The following NRXN1 variants were observed in gnomAD, a reference collection of about 807,000 sequenced individuals.
NRXN1 encodes neurexin-1.
A neutral mutation model predicts 150.9 loss-of-function variants in NRXN1; 39 were observed. The ratio of observed to expected loss-of-function variants is 0.26; its 90% CI spans 0.20 to 0.34. NRXN1 has a LOEUF of 0.34. Among genes scored for constraint, NRXN1 ranks in the 10% least tolerant of loss-of-function variants. NRXN1 has a pLI of 1.00. For synonymous variants in NRXN1, 924 were observed against 757.0 expected, an observed-to-expected ratio of 1.22 and a Z score of -3.62; for missense variants, 1,815 against 1,949.9, an observed-to-expected ratio of 0.93 and a Z score of 1.30.
At chr2:50,467,961 T>A (rs1433813502) in intron 16 of NRXN1, among the ~76,000 whole-genome samples, 1 of 151,526 alleles carries the variant, frequency 6.6e-6, no homozygotes, top group African/African-American at 2.4e-5. Flanking sequence ...CTGATCCTTA[T>A]CCCATGGCAT....
chr2:51,008,377 C>T (rs556016279), intron 2 of NRXN1, among the ~76,000 whole-genome samples: 4 of 151,946 alleles, frequency 2.6e-5, no homozygotes, highest in South Asian at 2.1e-4. Flanking sequence ...GAAAGCATGA[C>T]GTGTAGAGAC....
chr2:50,236,039 A>C (rs983758774), intron 18 of NRXN1, among the ~76,000 whole-genome samples: 2 of 152,080 alleles, frequency 1.3e-5, no homozygotes, highest in African/African-American at 4.8e-5. Context: ...ACTCATTAAT[A>C]ATTTTTAAAA....
intron 2 of NRXN1, among the ~76,000 whole-genome samples, chr2:50,949,741 A>G (rs1690995245): frequency 6.6e-6 from 1 of 152,030 alleles, no homozygotes; most frequent in South Asian, 2.1e-4. Flanking sequence ...CAAAATAAAA[A>G]CTTTTCCCAG....
At chr2:50,664,669 T>A (rs1476043050) in intron 5 of NRXN1, among the ~76,000 whole-genome samples, 1 of 151,626 alleles carries the variant, frequency 6.6e-6, no homozygotes, top group Non-Finnish European at 1.5e-5. Context: ...GCTCATCTCA[T>A]CCAGAAACTC....
At chr2:50,849,342 G>C (rs1574697401) in intron 5 of NRXN1, among the ~76,000 whole-genome samples, 1 of 152,224 alleles carries the variant, frequency 6.6e-6, no homozygotes, top group East Asian at 1.9e-4. Flanking sequence ...TAAATCTTCT[G>C]CTAGACTCCT....
chr2:49,930,647 C>T (rs1213525669), intron 22 of NRXN1, among the ~76,000 whole-genome samples: 1 of 152,088 alleles, frequency 6.6e-6, no homozygotes, highest in East Asian at 1.9e-4. Context: ...ATAGTTTTGT[C>T]TTTTTTCAAC....
intron 5 of NRXN1, among the ~76,000 whole-genome samples, chr2:50,825,131 C>T (rs1015143483): frequency 6.6e-6 from 1 of 152,196 alleles, no homozygotes; most frequent in Non-Finnish European, 1.5e-5. Flanking sequence ...AGGGCACCCA[C>T]ATCCTTGGCA....
intron 5 of NRXN1, among the ~76,000 whole-genome samples, chr2:50,717,057 T>G (rs1695959735): frequency 6.6e-6 from 1 of 152,184 alleles, no homozygotes; most frequent in South Asian, 2.1e-4. Context: ...TACTCAATTC[T>G]GTGCACTGTG....
At chr2:50,164,420 A>G (rs1002506912) in intron 18 of NRXN1, among the ~76,000 whole-genome samples, 2 of 152,210 alleles carry the variant, frequency 1.3e-5, no homozygotes, top group African/African-American at 4.8e-5. Flanking sequence ...GACCATAAGA[A>G]ATATGGGAGG....
intron 8 of NRXN1, among the ~76,000 whole-genome samples, chr2:50,571,478 T>C (rs745774475): frequency 6.6e-6 from 1 of 152,156 alleles, no homozygotes; most frequent in Non-Finnish European, 1.5e-5. Context: ...TTTTGTCTAG[T>C]GTACTATCTC....
intron 5 of NRXN1, among the ~76,000 whole-genome samples, chr2:50,710,067 GA>G (rs1694962029): frequency 6.6e-6 from 1 of 152,116 alleles, no homozygotes; most frequent in African/African-American, 2.4e-5. Flanking sequence ...GAATAAACAA[GA>G]TTTTCCTATA....
chr2:51,031,966 A>G lies in NRXN1; in HGVS notation c.-922+15T>C, dbSNP rs1671648349. On this transcript the variant is annotated intron_variant, in intron 1 of 22. Transcript: ENST00000401669. ...GCCCCATCCCCTCCCCCCAACCCAA[A>G]TTGAGCTTCTTTACCTGCCCGGTTA... is the stretch of plus-strand genomic sequence containing the variant. 1 of 151,972 alleles carries G rather than the reference A, an allele frequency of 6.6e-6. No individual in the cohort carries two copies. The highest frequency in any genetic ancestry group is 2.1e-4 in the South Asian group (1 of 4,802). The allele number at this position is 151,972 out of a possible 1,614,324, so 9.4% of individuals were successfully genotyped here. A position where few individuals can be genotyped will look rare whatever the true frequency, so the allele number is the denominator to read the frequency against.
chr2:50,615,279 C>T (rs1190222934), intron 8 of NRXN1: 2 of 152,126 alleles, frequency 1.3e-5, no homozygotes, highest in African/African-American at 4.8e-5. Flanking sequence ...AGTTACCTCA[C>T]ACAGGCAGTG....
chr2:50,950,773 C>T (rs921557578), intron 2 of NRXN1, among the ~76,000 whole-genome samples: 6 of 152,242 alleles, frequency 3.9e-5, no homozygotes, highest in African/African-American at 1.4e-4. Flanking sequence ...GCGCTAGGGT[C>T]CATGCTAATA....
intron 5 of NRXN1, among the ~76,000 whole-genome samples, chr2:50,832,541 T>C (rs1671552811): frequency 6.6e-6 from 1 of 152,100 alleles, no homozygotes. Context: ...TAATCACAGC[T>C]ACTCCAGAGG....
chr2:50,213,516 T>C (rs1366119617), intron 18 of NRXN1, among the ~76,000 whole-genome samples: 1 of 151,860 alleles, frequency 6.6e-6, no homozygotes, highest in African/African-American at 2.4e-5. Flanking sequence ...GATAAGACTG[T>C]ATAATGGATC....
chr2:50,411,678 C>T (rs925473737), intron 17 of NRXN1, among the ~76,000 whole-genome samples: 5 of 138,900 alleles, frequency 3.6e-5, no homozygotes, highest in Admixed American at 2.9e-4. Context: ...GCCCGGCAGC[C>T]GCCCTGTCTG....
At chr2:50,379,691 C>T (rs536670216) in intron 17 of NRXN1, among the ~76,000 whole-genome samples, 15 of 152,070 alleles carry the variant, frequency 9.9e-5, no homozygotes, top group Non-Finnish European at 5.9e-5. Flanking sequence ...CTAATATTAA[C>T]GTGCAATTTA....
chr2:51,011,410 G>C (rs1399668087), intron 2 of NRXN1, among the ~76,000 whole-genome samples: 2 of 151,984 alleles, frequency 1.3e-5, no homozygotes, highest in African/African-American at 4.8e-5. Flanking sequence ...ATAATAAAAT[G>C]TGTTCAGCAT....
Sources: allele counts gnomAD v4.1 joint callset (sites outside exome capture counted in the v4.1 genomes callset), GRCh38; gene constraint gnomAD v4.1.1; transcripts MANE v1.5; gene names NCBI Gene and HGNC (gene_info 2026-07-23, HGNC 2026-07-21).